Variants in CREBBP observed in about 807,000 individuals in gnomAD.
CREBBP encodes the protein CREB binding lysine acetyltransferase.
A neutral mutation model predicts 265.0 loss-of-function variants in CREBBP; 19 were observed. The ratio of observed to expected loss-of-function variants is 0.07; its 90% CI spans 0.05 to 0.11. The LOEUF (loss-of-function observed/expected upper bound fraction) is 0.11, where lower values mean the gene tolerates loss of function less well. Ranked by LOEUF, CREBBP falls within the 10% of genes least tolerant of loss-of-function variation. CREBBP has a pLI of 1.00. For missense variants in CREBBP, 2,525 were observed against 3,219.0 expected (o/e 0.78, Z 5.22); for synonymous variants, 1,457 against 1,223.7 (o/e 1.19, Z -3.98).
chr16:3,843,686 T>C (rs971887212), intron 2 of CREBBP, among the ~76,000 whole-genome samples: 10 of 151,964 alleles, frequency 6.6e-5, no homozygotes, highest in African/African-American at 2.2e-4. Context: ...TCCTAAAGTG[T>C]TGGAATTACA....
chr16:3,850,217 C>G, intron 2 of CREBBP, 80 bp downstream of exon 2: 4 of 1,436,886 alleles, frequency 2.8e-6, no homozygotes, highest in Non-Finnish European at 3.9e-6. Flanking sequence ...GAGTGGGCCA[C>G]GTGGTCCCAT....
chr16:3,866,326 T>G (rs79057575), intron 1 of CREBBP, among the ~76,000 whole-genome samples: 10,419 of 152,220 alleles, frequency 0.068, 518 homozygotes, highest in Non-Finnish European at 0.1. Flanking sequence ...AAACCTCTAA[T>G]ATAAAGATGA....
At chr16:3,774,860 T>C in intron 11 of CREBBP, 167 bp from the exon 12 acceptor site, 1 of 918,246 alleles carries the variant, frequency 1.1e-6, no homozygotes, top group East Asian at 2.7e-5. Flanking sequence ...AACAGACTTC[T>C]CCATATCCAG....
At chr16:3,785,679 G>A (rs541940301) in intron 5 of CREBBP, among the ~76,000 whole-genome samples, 5 of 152,324 alleles carry the variant, frequency 3.3e-5, no homozygotes, top group East Asian at 3.9e-4. Context: ...CCATCTACCT[G>A]GCATCCCTAA....
chr16:3,838,320 T>G (rs181340032), intron 2 of CREBBP, among the ~76,000 whole-genome samples: 1 of 152,186 alleles, frequency 6.6e-6, no homozygotes, highest in Non-Finnish European at 1.5e-5. Flanking sequence ...AGCCTAGGTG[T>G]GTAACAGGCT....
At chr16:3,800,882 C>A (rs185613840) in intron 3 of CREBBP, among the ~76,000 whole-genome samples, 11 of 152,184 alleles carry the variant, frequency 7.2e-5, no homozygotes, top group African/African-American at 2.7e-4. Flanking sequence ...TCACTAGGAA[C>A]AAGTGTAAGG....
At chr16:3,814,284 T>A (rs990001881) in intron 2 of CREBBP, among the ~76,000 whole-genome samples, 38 of 150,002 alleles carry the variant, frequency 2.5e-4, no homozygotes, top group Admixed American at 8.0e-4. Context: ...AGACAGAGTC[T>A]CGTTCTGTTG....
chr16:3,802,114 A>ATTT (rs71133657), intron 3 of CREBBP, among the ~76,000 whole-genome samples: 525 of 50,610 alleles, frequency 0.01, 85 homozygotes, highest in Middle Eastern at 0.026. Context: ...GTATTCCTTA[A>ATTT]TTTTTTTTTT....
Position 3,810,604 on chromosome 16 carries a change from A to G in CREBBP, c.974T>C (p.Met325Thr), listed in dbSNP as rs922666325. 2 of 1,613,560 alleles carry G rather than the reference A, an allele frequency of 1.2e-6. No individual in the cohort carries two copies. Among genetic ancestry groups the G allele is most frequent in the Non-Finnish European group, 1.7e-6 (2 of 1,179,988 alleles). The change falls in exon 3 of 31, where the codon ATG becomes ACG. Residue 325 changes from methionine to threonine, a missense_variant and splice_region_variant. By Grantham distance (81) the Met-to-Thr change is moderately conservative (BLOSUM62 -1). This residue lies in a region of CREBBP where 126 missense variants were observed against 171.9 expected (regional missense o/e 0.73). Coordinates refer to ENST00000262367, the MANE Select transcript of CREBBP (RefSeq NM_004380.3). Reference protein sequence around the residue: ...KNTSVTNVPNMSQMQTSVGIV... With the variant: ...KNTSVTNVPNTSQMQTSVGIV... ...CACTGAGGGCCAAGGGTAACTTACC[A>G]TATTTGGCACGTTGGTGACTGAAGT... is the stretch of plus-strand genomic sequence containing the variant.
At chr16:3,756,458 C>T (rs2052588633) in intron 19 of CREBBP, among the ~76,000 whole-genome samples, 1 of 152,236 alleles carries the variant, frequency 6.6e-6, no homozygotes, top group Non-Finnish European at 1.5e-5. Flanking sequence ...TATTCTCACT[C>T]TCTACCTATT....
intron 11 of CREBBP, among the ~76,000 whole-genome samples, chr16:3,777,092 C>T (rs1313029259): frequency 6.6e-6 from 1 of 152,014 alleles, no homozygotes; most frequent in African/African-American, 2.4e-5. Context: ...CCTGTAATCC[C>T]AGCACTTTGG....
At position 3,731,514 on chromosome 16, in the gene CREBBP, G is replaced by C. The variant is rs1567265614; in HGVS notation, c.4891-41C>G. On this transcript the variant is annotated intron_variant, in intron 29 of 30. Coordinates refer to ENST00000262367, the MANE Select transcript of CREBBP (RefSeq NM_004380.3). This position sits in a 1 kb window ranked among gnomAD's most constrained non-coding sequence, Gnocchi z 7.7. The stretch of plus-strand genomic sequence containing the variant: ...GGCTTTAGTCCCACACAAGGGACAT[G>C]GCACCTCCAGTGGTGAGCTCAGGGC... 1 of 1,556,386 alleles carries C rather than the reference G, an allele frequency of 6.4e-7. No homozygotes were observed. The highest frequency in any genetic ancestry group is 1.3e-5 in the African/African-American group (1 of 74,146).
chr16:3,782,600 T>C (rs1276570928), intron 6 of CREBBP, 84 bp downstream of exon 6: 13 of 1,541,160 alleles, frequency 8.4e-6, no homozygotes, highest in Non-Finnish European at 1.1e-5. Context: ...CAAAACAAAC[T>C]GAAAACTGCC....
At chr16:3,862,996 G>C (rs1162437044) in intron 1 of CREBBP, among the ~76,000 whole-genome samples, 3 of 152,172 alleles carry the variant, frequency 2.0e-5, no homozygotes, top group African/African-American at 7.2e-5. Flanking sequence ...GAAACATGAT[G>C]AACTTCAAAG....
intron 19 of CREBBP, among the ~76,000 whole-genome samples, chr16:3,755,593 A>G (rs900013763): frequency 3.9e-5 from 6 of 152,326 alleles, no homozygotes; most frequent in African/African-American, 1.4e-4. Flanking sequence ...AGCTTAATAC[A>G]TTAATACATC....
chr16:3,837,860 G>A (rs2054487169), intron 2 of CREBBP, among the ~76,000 whole-genome samples: 1 of 152,128 alleles, frequency 6.6e-6, no homozygotes, highest in Non-Finnish European at 1.5e-5. Context: ...AGTATATAGT[G>A]TTTATAAAGT....
In CREBBP at chr16:3,728,363, G is replaced by C. The variant is rs138613594; in HGVS notation, c.6684C>G (p.His2228Gln). 3 of 1,608,034 alleles carry C rather than the reference G, an allele frequency of 1.9e-6. No homozygotes were observed. Among genetic ancestry groups the C allele is most frequent in the African/African-American group, 1.3e-5 (1 of 74,884 alleles). ...SAGMAGGMAG[H>Q]GQFQQPQGPG... ...GTCCTTGAGGCTGCTGGAACTGGCC[G>C]TGCCCCGCCATGCCCCCAGCCATGC... Residue 2228 changes from histidine to glutamine, a missense_variant, in exon 31 of 31, where the codon CAC (histidine) becomes CAG (glutamine). Coordinates refer to ENST00000262367, the MANE Select transcript of CREBBP (RefSeq NM_004380.3). This position sits in a 1 kb window ranked among gnomAD's most constrained non-coding sequence, Gnocchi z 8.7.
intron 1 of CREBBP, among the ~76,000 whole-genome samples, chr16:3,863,521 G>C (rs1051445022): frequency 3.3e-5 from 5 of 152,100 alleles, no homozygotes; most frequent in Non-Finnish European, 5.9e-5. Flanking sequence ...GAGAATTGCT[G>C]AACTCGGGAG....
chr16:3,849,809 TG>T (rs1279725751), intron 2 of CREBBP, among the ~76,000 whole-genome samples: 2 of 152,142 alleles, frequency 1.3e-5, no homozygotes, highest in African/African-American at 4.8e-5. Context: ...ACCACTGCAC[TG>T]GTGTTTCCTC....
Sources: gnomAD v4.1 joint callset for allele counts (sites outside exome capture counted in the v4.1 genomes callset) on GRCh38, gnomAD v4.1.1 for gene constraint, gnomAD v4.1.1 regional missense constraint, Gnocchi (gnomAD v3.1) non-coding constraint, MANE v1.5 for transcripts, NCBI Gene and HGNC (gene_info 2026-07-23, HGNC 2026-07-21) for gene names.